KLF8: variants seen among roughly 807,000 people sequenced by gnomAD.
KLF8 encodes Krueppel-like factor 8.
In KLF8, 10 loss-of-function variants were observed where a neutral mutation model predicts 18.2. The ratio of observed to expected loss-of-function variants is 0.55; its 90% CI spans 0.34 to 0.93. KLF8 has a LOEUF of 0.93. Among genes scored for constraint, KLF8 ranks in the 40% least tolerant of loss-of-function variants. The pLI, the probability that KLF8 is intolerant of heterozygous loss-of-function variation, is 0.02. For synonymous variants in KLF8, 109 were observed against 97.3 expected (o/e 1.12, Z -0.71); for missense variants, 264 against 277.9 (o/e 0.95, Z 0.36).
At chrX:56,031,178 A>G in the KLF8 span, among the ~76,000 whole-genome samples, 5 of 111,345 alleles carry the variant, frequency 4.5e-5, no homozygotes, top group African/African-American at 6.5e-5. Flanking sequence ...TTTGTGCCTG[A>G]CCCATGTTTT....
chrX:55,919,504 G>A, the KLF8 span, among the ~76,000 whole-genome samples: 9 of 111,821 alleles, frequency 8.0e-5, no homozygotes, highest in South Asian at 1.1e-3. Context: ...CGGCTGCCTC[G>A]AAATAGACTC....
the KLF8 span, among the ~76,000 whole-genome samples, chrX:56,007,290 G>A: frequency 9.0e-6 from 1 of 111,284 alleles, no homozygotes; most frequent in Non-Finnish European, 1.9e-5. Flanking sequence ...AGAGCAGGAT[G>A]TAGTCTGGTG....
rs937498432 is a variant in KLF8, at chrX:56,285,479, C to T, written c.*985C>T. The T allele has an allele frequency of 2.7e-5, 3 of 111,162 alleles. No individual in the cohort carries two copies. Among genetic ancestry groups the T allele is most frequent in the East Asian group, 2.8e-4 (1 of 3,534 alleles). 9.2% of individuals were successfully genotyped at this position (111,162 alleles called of 1,213,427 possible). A position where few individuals can be genotyped will look rare whatever the true frequency, so the allele number is the denominator to read the frequency against. ...GGGCTGGCTGTACTGTTTATTTTTT[C>T]GTTTACACAAAGAAGCAATTGAGTA... is the stretch of plus-strand genomic sequence containing the variant. On this transcript the variant is annotated 3_prime_UTR_variant, in exon 6 of 6. Coordinates refer to ENST00000468660, the MANE Select transcript of KLF8 (RefSeq NM_007250.5).
At chrX:56,028,229 C>T in the KLF8 span, among the ~76,000 whole-genome samples, 1 of 112,180 alleles carries the variant, frequency 8.9e-6, no homozygotes, top group African/African-American at 3.2e-5. Flanking sequence ...AAAAGTCTTG[C>T]TGTTGTAGAG....
At chrX:56,017,705 T>A in the KLF8 span, among the ~76,000 whole-genome samples, 3 of 111,403 alleles carry the variant, frequency 2.7e-5, no homozygotes, top group Non-Finnish European at 5.6e-5. Flanking sequence ...CAGTTGTATA[T>A]GATAACCTTT....
the KLF8 span, among the ~76,000 whole-genome samples, chrX:56,103,992 C>T: frequency 2.7e-5 from 3 of 111,647 alleles, no homozygotes; most frequent in Non-Finnish European, 5.6e-5. Context: ...GTCTTTGGTT[C>T]TGTTTATATG....
chrX:56,210,191 G>T, the KLF8 span, among the ~76,000 whole-genome samples: 2 of 111,414 alleles, frequency 1.8e-5, no homozygotes, highest in African/African-American at 6.5e-5. Context: ...TTTCCTTTTT[G>T]ATTGAAATGC....
chrX:56,270,237 C>A lies in KLF8; in HGVS notation c.814C>A (p.Arg272=). 2 of 1,194,746 alleles carry A rather than the reference C, an allele frequency of 1.7e-6. No homozygotes were observed. Among genetic ancestry groups the A allele is most frequent in the Non-Finnish European group, 2.3e-6 (2 of 884,923 alleles). The change falls in exon 5 of 6, where the codon CGG becomes AGG. Residue 272 remains arginine (R), a synonymous_variant. Coordinates refer to ENST00000468660, the MANE Select transcript of KLF8 (RefSeq NM_007250.5). ...AGAGTCGCTTGACTTGAAGAGAAGA[C>A]GGATTCACCAATGTGACTTTGCAGG... is the stretch of plus-strand genomic sequence containing the variant. ...GEESLDLKRR[R]IHQCDFAGCS...
At chrX:56,196,756 A>T in the KLF8 span, among the ~76,000 whole-genome samples, 1 of 111,943 alleles carries the variant, frequency 8.9e-6, no homozygotes, top group Non-Finnish European at 1.9e-5. Context: ...TCTAATAGAC[A>T]TCTACAGAAC....
In KLF8 at chrX:56,233,221, T is replaced by C. The variant is rs1343216306; in HGVS notation, c.-114T>C. 1.1e-6 allele frequency: 1 copy of C among 892,795 alleles called. No homozygotes were observed. The allele number at this position is 892,795 out of a possible 1,213,427, so 73.6% of individuals were successfully genotyped here. On this transcript the variant is annotated 5_prime_UTR_variant, in exon 1 of 6. An upstream start codon of the reference 5' UTR is lost. Transcript: ENST00000468660. ...GACGAGAACGCGTCGCCCTGCGCTA[T>C]GTCAGAATGGGGCGGGTGTGAGGGG...
chrX:56,143,539 G>C, the KLF8 span, among the ~76,000 whole-genome samples: 1 of 112,016 alleles, frequency 8.9e-6, no homozygotes, highest in Non-Finnish European at 1.9e-5. Context: ...AAGAAGATAT[G>C]ATAGATGAAC....
rs2067285644 is a variant in KLF8 at position 56,287,968 on chromosome X, T to C, written c.*3474T>C. Reference sequence around the variant, plus strand: ...AAAGAATTGTTTCGGCCAGGCACTGTGGCTCACACCTGTAATCCCAGCACT... The same window carrying C: ...AAAGAATTGTTTCGGCCAGGCACTGCGGCTCACACCTGTAATCCCAGCACT... On this transcript the variant is annotated 3_prime_UTR_variant, in exon 6 of 6. Coordinates refer to ENST00000468660, the MANE Select transcript of KLF8 (RefSeq NM_007250.5). 8.9e-6 allele frequency: 1 copy of C among 112,128 alleles called. No homozygotes were observed. The highest frequency in any genetic ancestry group is 9.5e-5 in the Admixed American group (1 of 10,570). 9.2% of individuals were successfully genotyped at this position (112,128 alleles called of 1,213,427 possible). A position where few individuals can be genotyped will look rare whatever the true frequency, so the allele number is the denominator to read the frequency against.
the KLF8 span, among the ~76,000 whole-genome samples, chrX:55,953,563 C>T: frequency 1.2e-3 from 135 of 110,692 alleles, no homozygotes; most frequent in Middle Eastern, 4.6e-3. Flanking sequence ...TCATGTTTCC[C>T]AATTTCAAAA....
chrX:55,991,142 T>G, the KLF8 span, among the ~76,000 whole-genome samples: 7 of 112,421 alleles, frequency 6.2e-5, no homozygotes, highest in African/African-American at 2.3e-4. Flanking sequence ...TGAGCTGCCA[T>G]GGGCTCCATC....
At chrX:56,176,598 G>A in the KLF8 span, among the ~76,000 whole-genome samples, 1 of 110,249 alleles carries the variant, frequency 9.1e-6, no homozygotes, top group South Asian at 3.9e-4. Context: ...TGCTCTTCTC[G>A]AGGAATATCT....
chrX:56,187,347 C>G, the KLF8 span, among the ~76,000 whole-genome samples: 1 of 111,758 alleles, frequency 8.9e-6, no homozygotes, highest in Non-Finnish European at 1.9e-5. Context: ...TCTGCATAGA[C>G]CAATAACAGG....
the KLF8 span, among the ~76,000 whole-genome samples, chrX:56,092,513 C>T: frequency 9.0e-6 from 1 of 111,155 alleles, no homozygotes; most frequent in Admixed American, 9.6e-5. Context: ...ATGTGACTAT[C>T]CAACTTTCCC....
chrX:56,163,479 A>G, the KLF8 span, among the ~76,000 whole-genome samples: 1 of 111,861 alleles, frequency 8.9e-6, no homozygotes, highest in East Asian at 2.8e-4. Context: ...CATTCCTTAT[A>G]GATATTGGAT....
chrX:55,942,899 A>G, the KLF8 span, among the ~76,000 whole-genome samples: 1 of 111,723 alleles, frequency 9.0e-6, no homozygotes, highest in South Asian at 3.7e-4. Flanking sequence ...TCTTTAAAGC[A>G]CTGAGACATT....
Sources: gnomAD v4.1 joint callset for allele counts (sites outside exome capture counted in the v4.1 genomes callset) on GRCh38, gnomAD v4.1.1 for gene constraint, MANE v1.5 for transcripts, NCBI Gene and HGNC (gene_info 2026-07-23, HGNC 2026-07-21) for gene names.